Variants in PDLIM5 observed in about 807,000 individuals in gnomAD.
The protein encoded by PDLIM5 is PDZ and LIM domain 5.
A neutral mutation model predicts 64.2 loss-of-function variants in PDLIM5; 34 were observed. The observed-to-expected ratio is 0.53, with a 90% CI of 0.40 to 0.71. The LOEUF (loss-of-function observed/expected upper bound fraction) is 0.71, where lower values mean the gene tolerates loss of function less well. Among genes scored for constraint, PDLIM5 ranks in the 30% least tolerant of loss-of-function variants. PDLIM5 has a pLI of 0.00. For missense variants in PDLIM5, 683 were observed against 733.6 expected, an observed-to-expected ratio of 0.93 and a Z score of 0.80; for synonymous variants, 253 against 269.1, an observed-to-expected ratio of 0.94 and a Z score of 0.59.
At chr4:94,530,182 G>A (rs1487102311) in intron 3 of PDLIM5, among the ~76,000 whole-genome samples, 5 of 152,202 alleles carry the variant, frequency 3.3e-5, no homozygotes, top group African/African-American at 1.2e-4. Flanking sequence ...GGTCATGGGT[G>A]ATTTCTAAAT....
chr4:94,482,146 A>G (rs1282935704), intron 2 of PDLIM5, among the ~76,000 whole-genome samples: 1 of 150,948 alleles, frequency 6.6e-6, no homozygotes, highest in Non-Finnish European at 1.5e-5. Flanking sequence ...AGAGTCTAGC[A>G]TATCATGTTG....
intron 8 of PDLIM5, among the ~76,000 whole-genome samples, chr4:94,634,463 G>C (rs1740397960): frequency 1.3e-5 from 2 of 152,156 alleles, no homozygotes; most frequent in Non-Finnish European, 2.9e-5. Flanking sequence ...AGCAACATCT[G>C]TTACTGTTTA....
At chr4:94,487,385 G>A (rs1354083597) in intron 2 of PDLIM5, among the ~76,000 whole-genome samples, 1 of 152,184 alleles carries the variant, frequency 6.6e-6, no homozygotes, top group Non-Finnish European at 1.5e-5. Context: ...TAATTTGAGT[G>A]TAAGATATCA....
intron 8 of PDLIM5, among the ~76,000 whole-genome samples, chr4:94,639,834 G>A (rs1356145746): frequency 6.6e-6 from 1 of 151,982 alleles, no homozygotes; most frequent in African/African-American, 2.4e-5. Flanking sequence ...TTCAAGACCA[G>A]CGGACCAACA....
At chr4:94,586,291 G>A (rs541891183) in intron 6 of PDLIM5, 117 bp from the exon 7 acceptor site, 14 of 625,152 alleles carry the variant, frequency 2.2e-5, no homozygotes, top group African/African-American at 9.2e-5. Flanking sequence ...TATGGAATTC[G>A]TTTTAGTGGC....
At chr4:94,585,998 C>T (rs960404320) in intron 6 of PDLIM5, among the ~76,000 whole-genome samples, 28 of 152,016 alleles carry the variant, frequency 1.8e-4, no homozygotes, top group Admixed American at 4.6e-4. Context: ...GGTGAAACCC[C>T]GCCTTTACTA....
intron 2 of PDLIM5, among the ~76,000 whole-genome samples, chr4:94,465,491 C>A (rs528890775): frequency 6.6e-6 from 1 of 152,142 alleles, no homozygotes; most frequent in African/African-American, 2.4e-5. Context: ...ACCTCCACGT[C>A]CTGGGTTCAA....
chr4:94,596,802 G>A (rs576411829), intron 7 of PDLIM5, among the ~76,000 whole-genome samples: 28 of 152,036 alleles, frequency 1.8e-4, no homozygotes, highest in African/African-American at 6.3e-4. Context: ...TGACAGGTAT[G>A]GATATTTAGA....
intron 3 of PDLIM5, among the ~76,000 whole-genome samples, chr4:94,544,501 A>G (rs1265707909): frequency 6.6e-6 from 1 of 152,138 alleles, no homozygotes; most frequent in Non-Finnish European, 1.5e-5. Context: ...TTATTTTCCC[A>G]ATTTTATAGA....
chr4:94,615,541 G>A (rs1003602013), intron 7 of PDLIM5, among the ~76,000 whole-genome samples: 3 of 152,140 alleles, frequency 2.0e-5, no homozygotes, highest in East Asian at 3.9e-4. Flanking sequence ...AATTGTGGAC[G>A]ACAGTAGGGG....
chr4:94,646,076 T>A (rs1030303163), intron 9 of PDLIM5, among the ~76,000 whole-genome samples: 37 of 152,204 alleles, frequency 2.4e-4, no homozygotes, highest in African/African-American at 8.9e-4. Flanking sequence ...GCAACATTCG[T>A]TGAGTATTTT....
intron 4 of PDLIM5, chr4:94,573,666 C>A: frequency 4.8e-6 from 2 of 414,424 alleles, no homozygotes; most frequent in Non-Finnish European, 4.3e-6. Flanking sequence ...TTTGATGAGC[C>A]CATCTTTATC....
At chr4:94,453,856 G>T (rs960540615) in intron 1 of PDLIM5, among the ~76,000 whole-genome samples, 1 of 152,142 alleles carries the variant, frequency 6.6e-6, no homozygotes, top group Non-Finnish European at 1.5e-5. Flanking sequence ...CATTACTGAA[G>T]TAATGTGTTA....
intron 8 of PDLIM5, among the ~76,000 whole-genome samples, chr4:94,636,125 C>T (rs1222748148): frequency 1.3e-5 from 2 of 152,082 alleles, no homozygotes; most frequent in Admixed American, 1.3e-4. Flanking sequence ...AAGTTAGTTC[C>T]CCGTATACCT....
chr4:94,666,151 T>C lies in PDLIM5; in HGVS notation c.*2084T>C. ...CACTCACTTACGACATCACTTCCAT[T>C]GTGTGCATGTTTGTTATAGAGGAGG... On this transcript the variant is annotated 3_prime_UTR_variant, in exon 13 of 13. Coordinates refer to ENST00000317968, the MANE Select transcript of PDLIM5 (RefSeq NM_006457.5). The C allele has an allele frequency of 1.4e-6, 1 of 727,070 alleles. No individual in the cohort carries two copies. Among genetic ancestry groups the C allele is most frequent in the South Asian group, 1.9e-5 (1 of 52,200 alleles). 45.0% of individuals were successfully genotyped at this position (727,070 alleles called of 1,614,324 possible). A position where few individuals can be genotyped will look rare whatever the true frequency, so the allele number is the denominator to read the frequency against.
At chr4:94,454,658 T>C (rs1357167021) in intron 1 of PDLIM5, among the ~76,000 whole-genome samples, 6 of 152,232 alleles carry the variant, frequency 3.9e-5, no homozygotes, top group Non-Finnish European at 4.4e-5. Context: ...GAAAATACCA[T>C]GTCCCCATAG....
intron 2 of PDLIM5, among the ~76,000 whole-genome samples, chr4:94,504,374 G>A (rs1391945246): frequency 7.3e-5 from 11 of 151,230 alleles, no homozygotes; most frequent in African/African-American, 1.5e-4. Flanking sequence ...TGCAACCTCC[G>A]CTCCCGGGTT....
chr4:94,640,391 T>C lies in PDLIM5; in HGVS notation c.1224T>C (p.Ala408=). 1.2e-6 allele frequency: 2 copies of C among 1,612,734 alleles called. No homozygotes were observed. The highest frequency in any genetic ancestry group is 1.1e-5 in the South Asian group (1 of 90,946). The change falls in exon 9 of 13, where the codon GCT becomes GCC. Residue 408 remains alanine, a synonymous_variant. Coordinates refer to ENST00000317968, the MANE Select transcript of PDLIM5 (RefSeq NM_006457.5). Reference sequence around the variant, plus strand: ...ACCAGGACACTTTAGTGCAAAGAGCTGAGCACATTCCAGCAGGGAAACGAA... The same window carrying C: ...ACCAGGACACTTTAGTGCAAAGAGCCGAGCACATTCCAGCAGGGAAACGAA... ...PSDQDTLVQR[A]EHIPAGKRTP...
chr4:94,500,876 C>T (rs1727851556), intron 2 of PDLIM5, among the ~76,000 whole-genome samples: 1 of 152,070 alleles, frequency 6.6e-6, no homozygotes, highest in African/African-American at 2.4e-5. Context: ...CTCCACCTCC[C>T]AGGCTCAAAT....
Sources: gnomAD v4.1 joint callset for allele counts (sites outside exome capture counted in the v4.1 genomes callset) on GRCh38, gnomAD v4.1.1 for gene constraint, MANE v1.5 for transcripts, NCBI Gene and HGNC (gene_info 2026-07-23, HGNC 2026-07-21) for gene names.